Variants in MECOM observed in about 807,000 individuals in gnomAD.
MECOM encodes the protein MDS1 and EVI1 complex locus.
A neutral mutation model predicts 116.3 loss-of-function variants in MECOM; 13 were observed. That is an observed-to-expected ratio of 0.11 (90% confidence interval 0.07 to 0.18). The LOEUF (loss-of-function observed/expected upper bound fraction) is 0.18. Ranked by LOEUF, MECOM falls within the 10% of genes least tolerant of loss-of-function variation. The probability of loss-of-function intolerance (pLI) is 1.00; values close to 1 mark genes in which losing one functional copy is unlikely to be tolerated. For missense variants in MECOM, 1,299 were observed against 1,509.0 expected, an observed-to-expected ratio of 0.86 and a Z score of 2.31; for synonymous variants, 528 against 535.2, an observed-to-expected ratio of 0.99 and a Z score of 0.19.
At chr3:169,149,859 C>A in intron 2 of MECOM, 1 of 318,022 alleles carries the variant, frequency 3.1e-6, no homozygotes, top group Non-Finnish European at 6.3e-6. Context: ...GTGAAAAAGA[C>A]TAAAGGAAAT....
At chr3:169,454,390 GAAAAAA>G (rs35807490) in intron 1 of MECOM, among the ~76,000 whole-genome samples, 1 of 111,810 alleles carries the variant, frequency 8.9e-6, no homozygotes, top group South Asian at 3.1e-4. Flanking sequence ...TTTCTTTCAG[GAAAAAA>G]AAAAAAAAAA....
intron 1 of MECOM, among the ~76,000 whole-genome samples, chr3:169,412,512 C>T (rs1737724035): frequency 1.3e-5 from 2 of 151,964 alleles, no homozygotes; most frequent in African/African-American, 4.8e-5. Flanking sequence ...CAGACAAATG[C>T]TCCTGAAAGC....
At chr3:169,384,558 A>C (rs899074825) in intron 1 of MECOM, among the ~76,000 whole-genome samples, 3 of 152,200 alleles carry the variant, frequency 2.0e-5, no homozygotes, top group Non-Finnish European at 4.4e-5. Flanking sequence ...CTGCAAATGC[A>C]AAGTTATTTT....
rs556585093 is a variant in MECOM, at chr3:169,525,889, C to T, written c.37+137447G>A. ...ACTAAAAACACAAAAATTAGCCAGA[C>T]GTGGTGGTGGGCACCTGTAATCCCA... On this transcript the variant is annotated intron_variant, in intron 1 of 16. Transcript: ENST00000651503. Among the ~76,000 whole-genome samples, 5 of 152,184 alleles carry T rather than the reference C, an allele frequency of 3.3e-5. No homozygotes were observed. In the South Asian group the frequency reaches 8.3e-4, roughly 25 times the overall value.
At chr3:169,599,454 A>T (rs1767558975) in intron 1 of MECOM, among the ~76,000 whole-genome samples, 1 of 150,958 alleles carries the variant, frequency 6.6e-6, no homozygotes, top group African/African-American at 2.4e-5. Context: ...CGGAGGTTGC[A>T]GTGAGCCAAG....
At chr3:169,575,221 A>G (rs928322737) in intron 1 of MECOM, among the ~76,000 whole-genome samples, 1 of 152,204 alleles carries the variant, frequency 6.6e-6, no homozygotes, top group Admixed American at 6.5e-5. Flanking sequence ...GCTTCGCCTT[A>G]AATATTGGCT....
At chr3:169,417,738 G>A (rs2108490450) in intron 1 of MECOM, among the ~76,000 whole-genome samples, 1 of 152,066 alleles carries the variant, frequency 6.6e-6, no homozygotes, top group South Asian at 2.1e-4. Context: ...ACTGGATTAA[G>A]AAAATGTGGC....
chr3:169,307,296 C>T (rs748315561), intron 2 of MECOM, among the ~76,000 whole-genome samples: 2 of 152,198 alleles, frequency 1.3e-5, no homozygotes, highest in Non-Finnish European at 2.9e-5. Flanking sequence ...AGCTTCTCCA[C>T]ACAAACGCCA....
At chr3:169,197,137 CGAACT>C (rs1748516886) in intron 2 of MECOM, among the ~76,000 whole-genome samples, 1 of 151,528 alleles carries the variant, frequency 6.6e-6, no homozygotes, top group Admixed American at 6.6e-5. Context: ...CACAAAGAAG[CGAACT>C]ATAGACACCA....
At chr3:169,362,961 A>G (rs1366068751) in intron 2 of MECOM, among the ~76,000 whole-genome samples, 1 of 151,872 alleles carries the variant, frequency 6.6e-6, no homozygotes. Flanking sequence ...TTGCAAATTA[A>G]TGTTCTGTGT....
chr3:169,362,759 A>T (rs538610087), intron 2 of MECOM, among the ~76,000 whole-genome samples: 2 of 151,924 alleles, frequency 1.3e-5, no homozygotes, highest in Non-Finnish European at 1.5e-5. Flanking sequence ...ACACTTCATC[A>T]AGTTGAGACC....
At chr3:169,573,424 G>T (rs1002573948) in intron 1 of MECOM, among the ~76,000 whole-genome samples, 1 of 152,132 alleles carries the variant, frequency 6.6e-6, no homozygotes, top group African/African-American at 2.4e-5. Context: ...GATATTGTAG[G>T]CTCCCGTGGG....
chr3:169,438,180 A>AAACTTTATCCC (rs1384820307), intron 1 of MECOM, among the ~76,000 whole-genome samples: 1 of 152,196 alleles, frequency 6.6e-6, no homozygotes, highest in African/African-American at 2.4e-5. Context: ...TCCCTAAACT[A>AAACTTTATCCC]TACACCTTCT....
chr3:169,636,179 A>G (rs1271298352), intron 1 of MECOM, among the ~76,000 whole-genome samples: 1 of 152,230 alleles, frequency 6.6e-6, no homozygotes, highest in African/African-American at 2.4e-5. Context: ...CAGATCCAAG[A>G]TCTTTAGATA....
chr3:169,452,999 A>G (rs1745859749), intron 1 of MECOM, among the ~76,000 whole-genome samples: 1 of 152,248 alleles, frequency 6.6e-6, no homozygotes, highest in South Asian at 2.1e-4. Context: ...TCAAATGCAA[A>G]CAAATATATT....
intron 2 of MECOM, among the ~76,000 whole-genome samples, chr3:169,343,159 G>C (rs905815187): frequency 1.3e-5 from 2 of 152,124 alleles, no homozygotes; most frequent in Non-Finnish European, 2.9e-5. Flanking sequence ...TTTTTCTCCT[G>C]TCTTTAGCAG....
chr3:169,602,944 G>A (rs566844852), intron 1 of MECOM, among the ~76,000 whole-genome samples: 30 of 152,190 alleles, frequency 2.0e-4, no homozygotes, highest in African/African-American at 7.2e-4. Context: ...TCACAGGCTA[G>A]CCCCCAATAC....
At chr3:169,493,468 T>C (rs1027607284) in intron 1 of MECOM, among the ~76,000 whole-genome samples, 1 of 152,050 alleles carries the variant, frequency 6.6e-6, no homozygotes, top group Non-Finnish European at 1.5e-5. Flanking sequence ...TCCCTTAGAA[T>C]CTAACGAGGA....
chr3:169,597,580 G>GT (rs771765580), intron 1 of MECOM, among the ~76,000 whole-genome samples: 15 of 152,148 alleles, frequency 9.9e-5, no homozygotes, highest in South Asian at 2.1e-4. Context: ...ATCATGTTGG[G>GT]TTTTTTTCTT....
Sources: allele counts gnomAD v4.1 joint callset (sites outside exome capture counted in the v4.1 genomes callset), GRCh38; gene constraint gnomAD v4.1.1; transcripts MANE v1.5; gene names NCBI Gene and HGNC (gene_info 2026-07-23, HGNC 2026-07-21).